Variants in SOX5 observed in about 807,000 individuals in gnomAD.
SOX5 encodes the protein SRY-box transcription factor 5.
A neutral mutation model predicts 92.0 loss-of-function variants in SOX5; 9 were observed. The observed-to-expected ratio is 0.10, with a 90% CI of 0.06 to 0.17. The LOEUF is 0.17. Ranked by LOEUF, SOX5 falls within the 10% of genes least tolerant of loss-of-function variation. The pLI is 1.00. For synonymous variants in SOX5, 344 were observed against 336.3 expected (o/e 1.02, Z -0.25); for missense variants, 642 against 944.5 (o/e 0.68, Z 4.20).
chr12:24,362,866 G>GAAAA, intron 2 of SOX5, among the ~76,000 whole-genome samples: 1 of 102,154 alleles, frequency 9.8e-6, no homozygotes, highest in African/African-American at 3.9e-5. Flanking sequence ...AAACCACAGT[G>GAAAA]AAAAAAAAAA....
chr12:24,082,619 T>C (rs149217143), intron 4 of SOX5, among the ~76,000 whole-genome samples: 275 of 151,778 alleles, frequency 1.8e-3, no homozygotes, highest in Middle Eastern at 0.01. Context: ...TAAAATGGAA[T>C]TGGGGGCATT....
intron 2 of SOX5, among the ~76,000 whole-genome samples, chr12:23,852,887 G>A (rs1484526278): frequency 1.3e-5 from 2 of 151,954 alleles, no homozygotes; most frequent in African/African-American, 2.4e-5. Flanking sequence ...TTCCATGTGA[G>A]ACTGAAGTTT....
intron 3 of SOX5, among the ~76,000 whole-genome samples, chr12:23,778,503 G>T (rs2095177151): frequency 6.6e-6 from 1 of 152,162 alleles, no homozygotes; most frequent in African/African-American, 2.4e-5. Context: ...GATATGTGTA[G>T]GGCATAAAAT....
intron 1 of SOX5, among the ~76,000 whole-genome samples, chr12:24,538,814 A>G (rs897537083): frequency 7.2e-5 from 11 of 152,206 alleles, no homozygotes; most frequent in Admixed American, 3.9e-4. Context: ...TAGCAGTACT[A>G]TGACATATTT....
Position 24,534,251 on chromosome 12 carries a change from T to C in SOX5, c.-251+28078A>G, listed in dbSNP as rs185221925. Among the ~76,000 whole-genome samples, 7 of 151,646 alleles carry C rather than the reference T, an allele frequency of 4.6e-5. No individual in the cohort carries two copies. The East Asian group carries it at 1.4e-3, about 29-fold the overall frequency. On this transcript the variant is annotated intron_variant, in intron 1 of 4. Transcript: ENST00000446891. ...GCAGTTGAGGGTTTCATGTTATTTC[T>C]TTTCTTTGCTTTTTTTTTTTTCGGG... is the stretch of plus-strand genomic sequence containing the variant.
chr12:23,645,388 G>A (rs2080701648), intron 7 of SOX5, among the ~76,000 whole-genome samples: 1 of 152,164 alleles, frequency 6.6e-6, no homozygotes, highest in Admixed American at 6.5e-5. Context: ...AAGACAAGGA[G>A]TTGGGAAACT....
intron 1 of SOX5, among the ~76,000 whole-genome samples, chr12:24,377,886 T>C (rs907099298): frequency 1.3e-5 from 2 of 152,172 alleles, no homozygotes; most frequent in Admixed American, 6.5e-5. Context: ...ATAGAACATT[T>C]GGAAAATCAG....
intron 3 of SOX5, among the ~76,000 whole-genome samples, chr12:23,843,762 C>T (rs887000667): frequency 6.6e-6 from 1 of 151,802 alleles, no homozygotes; most frequent in Non-Finnish European, 1.5e-5. Flanking sequence ...CGGGGTTTCA[C>T]CATGTTGGCC....
In SOX5 at chr12:24,429,613, CACACACACACAT is replaced by C. The variant is rs1236096260; in HGVS notation, c.-250-60986_-250-60975del. ...AGCTATTTTCCTGGAAACACACATA[CACACACACACAT>C]ACACACACACACACACACACACACA... is the stretch of plus-strand genomic sequence containing the variant. On this transcript the variant is annotated intron_variant, in intron 1 of 4. Transcript: ENST00000446891. Among the ~76,000 whole-genome samples, 504 of 150,104 alleles carry C rather than the reference CACACACACACAT, an allele frequency of 3.4e-3. 1 individual carries two copies. The highest frequency in any genetic ancestry group is 0.012 in the African/African-American group (470 of 40,642).
rs186099793 is a variant in SOX5 at position 23,543,633 on chromosome 12, C to T, written c.1598-249G>A. Among the ~76,000 whole-genome samples, 30 of 152,196 alleles carry T rather than the reference C, an allele frequency of 2.0e-4. No homozygotes were observed. The East Asian group carries it at 4.8e-3, about 24-fold the overall frequency. ...TCTTTCTTTCAATGGACTGTTTCAC[C>T]ATTTACTTTCAACAGCTCAAAATAA... is the stretch of plus-strand genomic sequence containing the variant. On this transcript the variant is annotated intron_variant, in intron 12 of 14. Transcript: ENST00000451604.
chr12:24,361,179 G>A (rs1241457932), intron 2 of SOX5, among the ~76,000 whole-genome samples: 2 of 152,118 alleles, frequency 1.3e-5, no homozygotes, highest in African/African-American at 4.8e-5. Context: ...GTCACACCAT[G>A]GCCTGAGAGA....
chr12:23,888,655 G>A (rs944719722), intron 2 of SOX5, among the ~76,000 whole-genome samples: 6 of 151,998 alleles, frequency 3.9e-5, no homozygotes, highest in East Asian at 1.9e-4. Context: ...TTTTTCACAC[G>A]TCCCCATTCC....
chr12:24,444,270 ATGTGTGTGTG>A (rs56206607), intron 1 of SOX5, among the ~76,000 whole-genome samples: 13 of 149,152 alleles, frequency 8.7e-5, no homozygotes, highest in Admixed American at 1.3e-4. Context: ...AGGCCACTGA[ATGTGTGTGTG>A]TGTGTGTGTG....
intron 2 of SOX5, among the ~76,000 whole-genome samples, chr12:23,890,431 A>G (rs78077431): frequency 0.017 from 2,565 of 152,284 alleles, 63 homozygotes; most frequent in African/African-American, 0.058. Flanking sequence ...ATGACAACTG[A>G]TTATTCAACA....
intron 4 of SOX5, among the ~76,000 whole-genome samples, chr12:24,113,421 T>C (rs1368421163): frequency 5.3e-5 from 8 of 151,994 alleles, no homozygotes; most frequent in Non-Finnish European, 1.2e-4. Flanking sequence ...GTTGCATTTC[T>C]GAAAAAAATT....
At chr12:24,526,961 G>A (rs2138584154) in intron 1 of SOX5, among the ~76,000 whole-genome samples, 1 of 152,134 alleles carries the variant, frequency 6.6e-6, no homozygotes, top group South Asian at 2.1e-4. Flanking sequence ...TGGGCCTACA[G>A]AGGTGCACCA....
chr12:24,041,083 T>G (rs955996887), intron 4 of SOX5, among the ~76,000 whole-genome samples: 1 of 152,204 alleles, frequency 6.6e-6, no homozygotes, highest in Non-Finnish European at 1.5e-5. Context: ...CTATTATTTC[T>G]TAAACTACAG....
intron 10 of SOX5, among the ~76,000 whole-genome samples, chr12:23,568,501 T>G (rs7955799): frequency 1.3e-5 from 2 of 152,042 alleles, no homozygotes; most frequent in African/African-American, 4.8e-5. Context: ...CCCTTCCAGA[T>G]TGCCAGATAC....
chr12:24,334,801 C>A (rs1951707319), intron 2 of SOX5, among the ~76,000 whole-genome samples: 1 of 151,676 alleles, frequency 6.6e-6, no homozygotes, highest in Non-Finnish European at 1.5e-5. Flanking sequence ...CACATGACAA[C>A]AAAGCATTAA....
Sources: gnomAD v4.1 joint callset for allele counts (sites outside exome capture counted in the v4.1 genomes callset) on GRCh38, gnomAD v4.1.1 for gene constraint, MANE v1.5 for transcripts, NCBI Gene and HGNC (gene_info 2026-07-23, HGNC 2026-07-21) for gene names.